The following CHD7 variants were observed in gnomAD, a reference collection of about 807,000 sequenced individuals.
CHD7 encodes ATP-dependent chromatin remodeler CHD7.
Under a neutral mutation model 307.3 loss-of-function variants are expected in CHD7, and 24 were observed. The observed-to-expected ratio is 0.08, with a 90% CI of 0.06 to 0.11. The LOEUF is 0.11. CHD7 is among the 10% of genes least tolerant of loss of function. The pLI is 1.00. For synonymous variants in CHD7, 1,363 were observed against 1,349.9 expected (o/e 1.01, Z -0.21); for missense variants, 3,106 against 3,727.1 (o/e 0.83, Z 4.34).
intron 2 of CHD7, among the ~76,000 whole-genome samples, chr8:60,773,856 C>T (rs1810825528): frequency 6.6e-6 from 1 of 152,114 alleles, no homozygotes; most frequent in African/African-American, 2.4e-5. Context: ...CAGTTCTTAC[C>T]TACATTTTTA....
intron 2 of CHD7, among the ~76,000 whole-genome samples, chr8:60,777,537 C>A (rs1811008295): frequency 6.6e-6 from 1 of 152,148 alleles, no homozygotes; most frequent in South Asian, 2.1e-4. Flanking sequence ...TTCTTCTATG[C>A]ATTTTGGGTT....
chr8:60,800,396 G>A lies in CHD7; in HGVS notation c.2247G>A (p.Arg749=), dbSNP rs781105593. Residue 749 remains arginine, a synonymous_variant, in exon 5 of 38, where the codon CGG becomes CGA. Coordinates refer to ENST00000423902, the MANE Select transcript of CHD7 (RefSeq NM_017780.4). The part of the protein sequence containing the change: ...EDEDPGVQKR[R]SSRQVKRKRY... ...TTGGGTTTTTGTTTTAGAAGAGACG[G>A]TCCAGCAGACAGGTGAAGAGAAAGC... 7.2e-5 allele frequency: 116 copies of A among 1,613,266 alleles called. No homozygotes were observed. The highest frequency in any genetic ancestry group is 9.7e-5 in the Non-Finnish European group (114 of 1,179,626).
At chr8:60,782,328 G>C (rs766052887) in intron 3 of CHD7, among the ~76,000 whole-genome samples, 1 of 152,198 alleles carries the variant, frequency 6.6e-6, no homozygotes, top group Non-Finnish European at 1.5e-5. Context: ...TACACAGTCA[G>C]TTCTGCATTT....
At chr8:60,734,865 G>C (rs1035342464) in intron 1 of CHD7, among the ~76,000 whole-genome samples, 1 of 152,140 alleles carries the variant, frequency 6.6e-6, no homozygotes, top group Non-Finnish European at 1.5e-5. Context: ...ATCAGGGAGA[G>C]GTATGATGTA....
chr8:60,687,313 AT>A (rs1475111442), intron 1 of CHD7, among the ~76,000 whole-genome samples: 4 of 148,088 alleles, frequency 2.7e-5, no homozygotes, highest in African/African-American at 2.5e-5. Context: ...TAAAAAAAAA[AT>A]ACCCCAGTTG....
intron 19 of CHD7, among the ~76,000 whole-genome samples, chr8:60,841,226 C>G (rs1804958192): frequency 6.6e-6 from 1 of 152,242 alleles, no homozygotes; most frequent in African/African-American, 2.4e-5. Flanking sequence ...TACCCTTATC[C>G]CCTTTACTCT....
intron 1 of CHD7, among the ~76,000 whole-genome samples, chr8:60,681,971 T>G (rs1805652663): frequency 6.6e-6 from 1 of 152,104 alleles, no homozygotes; most frequent in African/African-American, 2.4e-5. Flanking sequence ...TTTAAATTAG[T>G]TTTTTTAAAA....
chr8:60,863,161 C>T (rs1404436385), intron 37 of CHD7: 1 of 153,562 alleles, frequency 6.5e-6, no homozygotes, highest in Non-Finnish European at 1.4e-5. Flanking sequence ...GATCTTAACA[C>T]ACGTGTGAGT....
At chr8:60,859,928 C>G (rs761376424) in intron 34 of CHD7, among the ~76,000 whole-genome samples, 6 of 152,186 alleles carry the variant, frequency 3.9e-5, no homozygotes, top group South Asian at 4.2e-4. Context: ...AAAACTGACT[C>G]CAGCGTAGTG....
chr8:60,724,278 A>G (rs1199585043), intron 1 of CHD7, among the ~76,000 whole-genome samples: 3 of 152,176 alleles, frequency 2.0e-5, no homozygotes, highest in African/African-American at 7.2e-5. Flanking sequence ...ACAGCACAAG[A>G]GTTCAGAACT....
intron 12 of CHD7, 84 bp from the exon 13 acceptor site, chr8:60,823,756 C>T (rs1232417807): frequency 2.2e-5 from 24 of 1,109,252 alleles, no homozygotes; most frequent in Middle Eastern, 2.1e-4. Context: ...GGGATAAATA[C>T]GTATGTTTTA....
chr8:60,745,111 C>T (rs925239369), intron 2 of CHD7, among the ~76,000 whole-genome samples: 5 of 151,866 alleles, frequency 3.3e-5, no homozygotes, highest in South Asian at 2.1e-4. Flanking sequence ...CTCCTCAAAG[C>T]GGACCAAAAG....
Position 60,743,033 on chromosome 8 carries a change from A to G in CHD7, c.1601A>G (p.His534Arg). Residue 534 changes from histidine to arginine, a missense_variant, in exon 2 of 38, where the codon CAC (histidine) becomes CGC (arginine). This residue lies in a region of CHD7 where 998 missense variants were observed against 1,004.5 expected (regional missense o/e 0.99). Coordinates refer to ENST00000423902, the MANE Select transcript of CHD7 (RefSeq NM_017780.4). ...HHQSSPPHPH[H>R]QPWAQLHPSP... ...CAGTCTTCACCTCCACACCCTCATC[A>G]CCAGCCTTGGGCACAGCTCCACCCA... 6.2e-7 allele frequency: 1 copy of G among 1,613,784 alleles called. No homozygotes were observed. The highest frequency in any genetic ancestry group is 8.5e-7 in the Non-Finnish European group (1 of 1,179,848).
chr8:60,771,072 G>T (rs1478286347), intron 2 of CHD7, among the ~76,000 whole-genome samples: 2 of 152,198 alleles, frequency 1.3e-5, no homozygotes, highest in Non-Finnish European at 2.9e-5. Flanking sequence ...TTCACTGGTT[G>T]TCTGGAACAG....
chr8:60,769,301 A>C (rs886664407), intron 2 of CHD7, among the ~76,000 whole-genome samples: 1 of 152,194 alleles, frequency 6.6e-6, no homozygotes. Flanking sequence ...TACTCCCTCA[A>C]ACTGGGTTCA....
Position 60,845,058 on chromosome 8 carries a change from A to G in CHD7, c.5045A>G (p.His1682Arg). The change falls in exon 22 of 38, where the codon CAT becomes CGT. Residue 1682 changes from histidine to arginine, a missense_variant. Coordinates refer to ENST00000423902, the MANE Select transcript of CHD7 (RefSeq NM_017780.4). ...GGCCAGACTCGAGCCTTGGTCAACCATTCCGGTAGGTCTCCACCATGCTGT... is the reference window on the plus strand; with the variant it reads ...GGCCAGACTCGAGCCTTGGTCAACCGTTCCGGTAGGTCTCCACCATGCTGT... ...ADGQTRALVN[H>R]SGLSAPVPRG... is the part of the protein sequence containing the mutation. The G allele has an allele frequency of 2.5e-6, 4 of 1,613,926 alleles. No homozygotes were observed. Among genetic ancestry groups the G allele is most frequent in the Non-Finnish European group, 2.5e-6 (3 of 1,179,826 alleles).
At chr8:60,753,931 CA>C (rs1156989995) in intron 2 of CHD7, among the ~76,000 whole-genome samples, 1 of 152,046 alleles carries the variant, frequency 6.6e-6, no homozygotes, top group Non-Finnish European at 1.5e-5. Context: ...TGCTGCAAAT[CA>C]TTAAATCAGT....
At chr8:60,759,847 G>A (rs764659070) in intron 2 of CHD7, among the ~76,000 whole-genome samples, 1 of 152,220 alleles carries the variant, frequency 6.6e-6, no homozygotes, top group Non-Finnish European at 1.5e-5. Context: ...TTGGAGGACG[G>A]CTGGGTCTTA....
At chr8:60,720,909 C>T (rs918846260) in intron 1 of CHD7, among the ~76,000 whole-genome samples, 13 of 152,216 alleles carry the variant, frequency 8.5e-5, no homozygotes, top group African/African-American at 3.1e-4. Context: ...ATTACTTTCC[C>T]TTCTCCCTTT....
Sources: allele counts gnomAD v4.1 joint callset (sites outside exome capture counted in the v4.1 genomes callset), GRCh38; gene constraint gnomAD v4.1.1; regional missense constraint gnomAD v4.1.1; transcripts MANE v1.5; gene names NCBI Gene and HGNC (gene_info 2026-07-23, HGNC 2026-07-21).